Variants in RDH10 observed in about 807,000 individuals in gnomAD.
RDH10 encodes retinol dehydrogenase 10.
In RDH10, 12 loss-of-function variants were observed where a neutral mutation model predicts 30.2. The observed-to-expected ratio is 0.40, with a 90% CI of 0.25 to 0.64. RDH10 has a LOEUF of 0.64. RDH10 is among the 30% of genes least tolerant of loss of function. RDH10 has a pLI of 0.43. For missense variants in RDH10, 268 were observed against 445.2 expected (o/e 0.60, Z 3.58); for synonymous variants, 189 against 172.2 (o/e 1.10, Z -0.76).
chr8:73,319,917 C>A (rs1339200187), intron 3 of RDH10, among the ~76,000 whole-genome samples: 2 of 152,204 alleles, frequency 1.3e-5, no homozygotes, highest in African/African-American at 4.8e-5. Context: ...TTGTTCTATC[C>A]TGTTTGTCCT....
At chr8:73,320,469 GTTTTTGTTTTTTT>G (rs1391642982) in intron 3 of RDH10, among the ~76,000 whole-genome samples, 32 of 121,104 alleles carry the variant, frequency 2.6e-4, no homozygotes, top group African/African-American at 4.9e-4. Flanking sequence ...TTTTGTTTTT[GTTTTTGTTTTTTT>G]TTTTTTGAGA....
rs1257106486 is a variant in RDH10 at position 73,294,908 on chromosome 8, G to C, written c.-382G>C. The C allele has an allele frequency of 7.6e-6, 3 of 394,852 alleles. No homozygotes were observed. The highest frequency in any genetic ancestry group is 1.3e-5 in the Non-Finnish European group (3 of 223,538). 24.5% of individuals were successfully genotyped at this position (394,852 alleles called of 1,614,324 possible). On this transcript the variant is annotated 5_prime_UTR_variant, in exon 1 of 6. Transcript: ENST00000240285. ...AGAGGGAGCCGGCGCGCCGGTTCCG[G>C]GGACGCTCGGGCGGCAGCAGCTTGG...
Position 73,323,128 on chromosome 8 carries a change from C to T in RDH10, c.*92C>T, listed in dbSNP as rs916537681. 9.7e-7 allele frequency: 1 copy of T among 1,030,020 alleles called. No homozygotes were observed. Among genetic ancestry groups the T allele is most frequent in the Non-Finnish European group, 1.5e-6 (1 of 681,234 alleles). 63.8% of individuals were successfully genotyped at this position (1,030,020 alleles called of 1,614,324 possible). ...CAGCATTGCTGACATTTTATGGATT[C>T]TAAACTTGTGTTGTTTCTTTTTTAA... On this transcript the variant is annotated 3_prime_UTR_variant, in exon 6 of 6. Coordinates refer to ENST00000240285, the MANE Select transcript of RDH10 (RefSeq NM_172037.5).
chr8:73,307,738 G>A (rs1341224731), intron 2 of RDH10, among the ~76,000 whole-genome samples: 2 of 152,156 alleles, frequency 1.3e-5, no homozygotes, highest in Admixed American at 1.3e-4. Context: ...CAAAGCTCCT[G>A]GTACAGTAGG....
In RDH10 at chr8:73,316,814, C is replaced by T. The variant is rs148280634; in HGVS notation, c.526-2282C>T. Among the ~76,000 whole-genome samples the T allele has an allele frequency of 2.6e-3, 390 of 152,132 alleles. 4 individuals carry two copies. The highest frequency in any genetic ancestry group is 9.0e-3 in the African/African-American group (375 of 41,474). On this transcript the variant is annotated intron_variant, in intron 2 of 5. Transcript: ENST00000240285. The stretch of plus-strand genomic sequence containing the variant: ...TAAACACGGCAGAAGCAGGAGGAAG[C>T]GAGGGGGTGGGGGCTGCACACGTTT...
rs1814229030 is a variant in RDH10 at position 73,294,998 on chromosome 8, C to A, written c.-292C>A. 2 of 380,598 alleles carry A rather than the reference C, an allele frequency of 5.3e-6. No individual in the cohort carries two copies. Among genetic ancestry groups the A allele is most frequent in the East Asian group, 7.5e-5 (2 of 26,658 alleles). 23.6% of individuals were successfully genotyped at this position (380,598 alleles called of 1,614,324 possible). A position where few individuals can be genotyped will look rare whatever the true frequency, so the allele number is the denominator to read the frequency against. ...CCGCCACTGCAGCGGAGCCGGCCGG[C>A]CGGGCGCTGCGGGACGGGCGGGCGG... On this transcript the variant is annotated 5_prime_UTR_variant, in exon 1 of 6. Transcript: ENST00000240285.
In RDH10 at chr8:73,322,700, G is replaced by A. The variant is rs774674377; in HGVS notation, c.792G>A (p.Leu264=). The A allele has an allele frequency of 6.2e-7, 1 of 1,611,302 alleles. No individual in the cohort carries two copies. Among genetic ancestry groups the A allele is most frequent in the Non-Finnish European group, 8.5e-7 (1 of 1,179,294 alleles). ...CRIRKEIEPF[L]PPLKPDYCVK... is the part of the protein sequence containing the mutation. ...TCAGGAAAGAAATTGAGCCTTTTCT[G>A]CCACCTCTGAAGCCTGATTACTGTG... The change falls in exon 5 of 6, where the codon CTG becomes CTA. Residue 264 remains leucine, a synonymous_variant. Coordinates refer to ENST00000240285, the MANE Select transcript of RDH10 (RefSeq NM_172037.5).
In RDH10 at chr8:73,295,234, G is replaced by A; in HGVS notation, c.-56G>A. The stretch of plus-strand genomic sequence containing the variant: ...CCGGAGCCGGGAGCCCGATTGCCGG[G>A]CTCGGGGTGGGCGCGGACGCAGGCA... On this transcript the variant is annotated 5_prime_UTR_variant, in exon 1 of 6. Transcript: ENST00000240285. 1 of 1,463,312 alleles carries A rather than the reference G, an allele frequency of 6.8e-7. No individual in the cohort carries two copies. Among genetic ancestry groups the A allele is most frequent in the Non-Finnish European group, 9.0e-7 (1 of 1,106,502 alleles). The allele number at this position is 1,463,312 out of a possible 1,614,324, so 90.6% of individuals were successfully genotyped here. A position where few individuals can be genotyped will look rare whatever the true frequency, so the allele number is the denominator to read the frequency against.
intron 2 of RDH10, among the ~76,000 whole-genome samples, chr8:73,307,342 C>T (rs1814481302): frequency 6.6e-6 from 1 of 152,070 alleles, no homozygotes; most frequent in Non-Finnish European, 1.5e-5. Context: ...ATATGGTCTG[C>T]GTGGAGGGCA....
chr8:73,315,399 C>T, intron 2 of RDH10: 1 of 251,934 alleles, frequency 4.0e-6, no homozygotes, highest in South Asian at 4.1e-5. Flanking sequence ...TTAGAATATG[C>T]AGCCATACTA....
At chr8:73,297,487 A>ACC (rs1814288139) in intron 2 of RDH10, 58 bp downstream of exon 2, 9 of 1,291,410 alleles carry the variant, frequency 7.0e-6, no homozygotes, top group South Asian at 2.4e-5. Flanking sequence ...AAGGTTGGGA[A>ACC]GGGGAGAGAC....
In RDH10 at chr8:73,322,762, C is replaced by T; in HGVS notation, c.854C>T (p.Pro285Leu). ...QAMKAILTDQ[P>L]MICTPRLMYI... The stretch of plus-strand genomic sequence containing the variant: ...ATGAAGGCCATCCTCACTGACCAGC[C>T]CATGATCTGCACTCCCCGCCTCATG... Residue 285 changes from proline to leucine, a missense_variant, in exon 5 of 6, where the codon CCC (proline) becomes CTC (leucine). Pro to Leu is a moderately conservative substitution (Grantham distance 98). Coordinates refer to ENST00000240285, the MANE Select transcript of RDH10 (RefSeq NM_172037.5). 6.2e-7 allele frequency: 1 copy of T among 1,614,114 alleles called. No homozygotes were observed. Among genetic ancestry groups the T allele is most frequent in the Non-Finnish European group, 8.5e-7 (1 of 1,179,956 alleles).
Position 73,320,998 on chromosome 8 carries a change from G to A in RDH10, c.691G>A (p.Ala231Thr), listed in dbSNP as rs758906627. 1.4e-5 allele frequency: 23 copies of A among 1,613,944 alleles called. No homozygotes were observed. The highest frequency in any genetic ancestry group is 2.7e-5 in the African/African-American group (2 of 74,898). The change falls in exon 4 of 6, where the codon GCT becomes ACT. Residue 231 changes from alanine to threonine, a missense_variant. Ala to Thr is a moderately conservative substitution (Grantham distance 58, BLOSUM62 0). Around this residue, in one of 4 missense-constraint regions of RDH10, gnomAD observed 136 missense variants for 288.8 expected, o/e 0.47. Coordinates refer to ENST00000240285, the MANE Select transcript of RDH10 (RefSeq NM_172037.5). ...HESLSHELKA[A>T]EKDGIKTTLV... is the part of the protein sequence containing the mutation. ...ATCCCTGAGCCATGAACTAAAGGCT[G>A]CTGAAAAGGATGGAATTAAAACAAC...
intron 2 of RDH10, among the ~76,000 whole-genome samples, chr8:73,317,240 A>G (rs1028268236): frequency 6.6e-6 from 1 of 152,206 alleles, no homozygotes; most frequent in Non-Finnish European, 1.5e-5. Flanking sequence ...CTAGAATAAT[A>G]TTAGATAAAG....
chr8:73,303,429 T>C (rs1250587350), intron 2 of RDH10, among the ~76,000 whole-genome samples: 1 of 152,250 alleles, frequency 6.6e-6, no homozygotes, highest in Admixed American at 6.5e-5. Context: ...TGGCCAGTAT[T>C]TCTCCTTACC....
chr8:73,297,150 T>G, intron 1 of RDH10, 44 bp from the exon 2 acceptor site: 1 of 1,173,918 alleles, frequency 8.5e-7, no homozygotes, highest in Non-Finnish European at 1.3e-6. Flanking sequence ...CTGCACTTCC[T>G]TCTCTTTTGC....
At chr8:73,305,224 TCTC>T (rs1323009318) in intron 2 of RDH10, among the ~76,000 whole-genome samples, 1 of 152,208 alleles carries the variant, frequency 6.6e-6, no homozygotes, top group African/African-American at 2.4e-5. Context: ...CTTATTCTCT[TCTC>T]CTACATTTGT....
chr8:73,295,904 C>T (rs1351290531), intron 1 of RDH10: 3 of 1,088,684 alleles, frequency 2.8e-6, no homozygotes, highest in African/African-American at 1.7e-5. Flanking sequence ...AAAGAAATGT[C>T]TTGCTCCGAC....
intron 4 of RDH10, 171 bp from the exon 5 acceptor site, chr8:73,322,508 A>C (rs1814788930): frequency 1.7e-6 from 1 of 602,076 alleles, no homozygotes; most frequent in Non-Finnish European, 2.8e-6. Context: ...TGCCAATAAA[A>C]TGTGTTCATA....
Sources: gnomAD v4.1 joint callset for allele counts (sites outside exome capture counted in the v4.1 genomes callset) on GRCh38, gnomAD v4.1.1 for gene constraint, gnomAD v4.1.1 regional missense constraint, MANE v1.5 for transcripts, NCBI Gene and HGNC (gene_info 2026-07-23, HGNC 2026-07-21) for gene names.